PCBP3: variants seen among roughly 807,000 people sequenced by gnomAD.
The protein encoded by PCBP3 is poly(rC) binding protein 3, also known as poly(rC)-binding protein 3.
Under a neutral mutation model 52.7 loss-of-function variants are expected in PCBP3, and 25 were observed. The ratio of observed to expected loss-of-function variants is 0.47; its 90% CI spans 0.35 to 0.66. The LOEUF (loss-of-function observed/expected upper bound fraction) is 0.66, where lower values mean the gene tolerates loss of function less well. Ranked by LOEUF, PCBP3 falls within the 30% of genes least tolerant of loss-of-function variation. The pLI is 0.01. For missense variants in PCBP3, 391 were observed against 490.3 expected (o/e 0.80, Z 1.91); for synonymous variants, 162 against 183.0 (o/e 0.89, Z 0.93).
intron 4 of PCBP3, among the ~76,000 whole-genome samples, chr21:45,835,023 C>G (rs1241355198): frequency 6.6e-6 from 1 of 152,232 alleles, no homozygotes; most frequent in African/African-American, 2.4e-5. Flanking sequence ...CTTGGGAGGC[C>G]GGTTCGCGAA....
At chr21:45,909,568 T>A (rs2096285338) in intron 10 of PCBP3, 82 bp downstream of exon 10, 1 of 1,422,260 alleles carries the variant, frequency 7.0e-7, no homozygotes, top group African/African-American at 1.4e-5. Flanking sequence ...GCAGCCTTCC[T>A]GAGCCTTGTC....
At chr21:45,799,829 G>T (rs761510734) in intron 4 of PCBP3, among the ~76,000 whole-genome samples, 2 of 152,160 alleles carry the variant, frequency 1.3e-5, no homozygotes, top group African/African-American at 2.4e-5. Flanking sequence ...AATTAATGCC[G>T]CAGAATATGA....
rs573531260 is a variant in PCBP3, at chr21:45,799,089, TAGAG to T, written c.-126+43642_-126+43645del. Among the ~76,000 whole-genome samples, 14 of 152,076 alleles carry T rather than the reference TAGAG, an allele frequency of 9.2e-5. No individual in the cohort carries two copies. In the South Asian group the frequency reaches 2.5e-3, roughly 27 times the overall value. On this transcript the variant is annotated intron_variant, in intron 4 of 17. Transcript: ENST00000681687. ...GTACATGGATGAATGCATGGATCCA[TAGAG>T]AGAGTGAATGGATGTGTACATGGTT... is the stretch of plus-strand genomic sequence containing the variant.
chr21:45,730,618 G>C (rs2085384653), intron 2 of PCBP3, among the ~76,000 whole-genome samples: 1 of 152,096 alleles, frequency 6.6e-6, no homozygotes, highest in Non-Finnish European at 1.5e-5. Flanking sequence ...TACAAAATCA[G>C]TTATTGAAAG....
At chr21:45,816,741 A>AC (rs2147266295) in intron 4 of PCBP3, among the ~76,000 whole-genome samples, 1 of 140,710 alleles carries the variant, frequency 7.1e-6, no homozygotes, top group Non-Finnish European at 1.6e-5. Flanking sequence ...TTCTATGTTA[A>AC]CTTTTTTTTT....
chr21:45,814,795 AG>A (rs2092812743), intron 4 of PCBP3, among the ~76,000 whole-genome samples: 1 of 107,246 alleles, frequency 9.3e-6, no homozygotes, highest in African/African-American at 3.8e-5. Context: ...GTGGTGAGTG[AG>A]TGGTGAGTGG....
intron 4 of PCBP3, among the ~76,000 whole-genome samples, chr21:45,822,986 C>T (rs1569272206): frequency 1.3e-5 from 2 of 152,270 alleles, no homozygotes; most frequent in Non-Finnish European, 2.9e-5. Flanking sequence ...TGACCTGGGC[C>T]CTAGCGGGGG....
intron 4 of PCBP3, among the ~76,000 whole-genome samples, chr21:45,767,383 C>T (rs1312853894): frequency 2.0e-5 from 3 of 152,202 alleles, no homozygotes; most frequent in African/African-American, 7.2e-5. Flanking sequence ...GAATTTCATT[C>T]CTTTTTATGG....
intron 5 of PCBP3, among the ~76,000 whole-genome samples, chr21:45,884,878 A>G (rs2095482819): frequency 6.6e-6 from 1 of 152,234 alleles, no homozygotes; most frequent in South Asian, 2.1e-4. Flanking sequence ...TTTATGATGT[A>G]GTTGCTTTAA....
rs370919474 is a variant in PCBP3, at chr21:45,683,860, A to C, written c.-200+14908A>C. 1.7e-3 allele frequency among the ~76,000 whole-genome samples: 261 copies of C among 152,060 alleles called. 3 individuals are homozygous for C. The South Asian group carries it at 0.052, about 30-fold the overall frequency. ...AGAATGGCATGAACCCGGGAGGCAG[A>C]GCTTGCAGTGAGCCGAGATCGTGCC... On this transcript the variant is annotated intron_variant, in intron 2 of 17. Coordinates refer to ENST00000681687, the MANE Select transcript of PCBP3 (RefSeq NM_001384156.1).
rs1227536813 is a variant in PCBP3, at chr21:45,910,933, A to T, written c.503A>T (p.Asp168Val). Residue 168 changes from aspartate to valine, a missense_variant, in exon 11 of 18, where the codon GAC (aspartate) becomes GTC (valine). Transcript: ENST00000681687. ...GGTGCCCAGGTGCAGGTGGCTGGGG[A>T]CATGCTGCCCAACTCCACGGAGCGA... The part of the protein sequence containing the change: ...STGAQVQVAG[D>V]MLPNSTERAV... 9.9e-6 allele frequency: 16 copies of T among 1,610,594 alleles called. No homozygotes were observed. Among genetic ancestry groups the T allele is most frequent in the Non-Finnish European group, 1.3e-5 (15 of 1,179,376 alleles).
intron 2 of PCBP3, among the ~76,000 whole-genome samples, chr21:45,700,922 A>T (rs1291706983): frequency 6.6e-6 from 1 of 152,188 alleles, no homozygotes; most frequent in Non-Finnish European, 1.5e-5. Flanking sequence ...AGTACTGAAA[A>T]AAACCCTTAG....
chr21:45,754,736 A>T (rs1262931197), intron 3 of PCBP3, among the ~76,000 whole-genome samples: 3 of 152,174 alleles, frequency 2.0e-5, no homozygotes, highest in East Asian at 3.8e-4. Context: ...TGGGTAGAAG[A>T]TTATTTTCTT....
At chr21:45,922,485 G>A (rs967807167) in intron 13 of PCBP3, among the ~76,000 whole-genome samples, 1 of 152,178 alleles carries the variant, frequency 6.6e-6, no homozygotes, top group Admixed American at 6.5e-5. Context: ...AGCTCCGGCA[G>A]TCGAGACTGT....
chr21:45,695,002 A>G (rs2082686003), intron 2 of PCBP3, among the ~76,000 whole-genome samples: 1 of 152,366 alleles, frequency 6.6e-6, no homozygotes, highest in Middle Eastern at 3.4e-3. Flanking sequence ...CGAATAGCAC[A>G]GGCAGTTGTA....
rs960905717 is a variant in PCBP3, at chr21:45,827,577, C to T, written c.-125-22384C>T. 6.6e-6 allele frequency among the ~76,000 whole-genome samples: 1 copy of T among 152,170 alleles called. No homozygotes were observed. The highest frequency in any genetic ancestry group is 1.5e-5 in the Non-Finnish European group (1 of 68,042). The stretch of plus-strand genomic sequence containing the variant: ...GTGGAAAGTCTCAGCCAAGCGAAGA[C>T]GGAGGGCCAACCAAGTCGAGGTTTC... On this transcript the variant is annotated intron_variant, in intron 4 of 17. Coordinates refer to ENST00000681687, the MANE Select transcript of PCBP3 (RefSeq NM_001384156.1). This position sits in a 1 kb window ranked among gnomAD's most constrained non-coding sequence, Gnocchi z 4.3.
In PCBP3 at chr21:45,708,894, C is replaced by T. The variant is rs575358046; in HGVS notation, c.-199-26498C>T. On this transcript the variant is annotated intron_variant, in intron 2 of 17. Transcript: ENST00000681687. ...CCAGAAAGCTCTGCATATGGCTGGG[C>T]GAGGCCCCCACTGGCAGGCCCATGT... Among the ~76,000 whole-genome samples, 18 of 152,326 alleles carry T rather than the reference C, an allele frequency of 1.2e-4. No individual in the cohort carries two copies. The East Asian group carries it at 3.3e-3, about 28-fold the overall frequency.
intron 4 of PCBP3, chr21:45,828,135 G>A (rs1466878577): frequency 6.6e-6 from 1 of 152,340 alleles, no homozygotes; most frequent in Non-Finnish European, 1.5e-5. Context: ...TCCCACAAGA[G>A]ACGCCAACTG....
chr21:45,848,918 C>T (rs1237663063), intron 4 of PCBP3, among the ~76,000 whole-genome samples: 1 of 152,164 alleles, frequency 6.6e-6, no homozygotes, highest in African/African-American at 2.4e-5. Context: ...ATTTTAAAAG[C>T]ACTTGGATTT....
Sources: gnomAD v4.1 joint callset for allele counts (sites outside exome capture counted in the v4.1 genomes callset) on GRCh38, gnomAD v4.1.1 for gene constraint, Gnocchi (gnomAD v3.1) non-coding constraint, MANE v1.5 for transcripts, NCBI Gene and HGNC (gene_info 2026-07-23, HGNC 2026-07-21) for gene names.